SLC22A16: variants seen among roughly 807,000 people sequenced by gnomAD.
SLC22A16 encodes solute carrier family 22 member 16.
A neutral mutation model predicts 52.9 loss-of-function variants in SLC22A16; 53 were observed. That is an observed-to-expected ratio of 1.00 (90% CI 0.80 to 1.26). SLC22A16 has a LOEUF of 1.26. Ranked by LOEUF, SLC22A16 falls within the 50% of genes most tolerant of loss-of-function variation. The pLI is 0.00. For missense variants in SLC22A16, 726 were observed against 704.0 expected (o/e 1.03, Z -0.35); for synonymous variants, 291 against 268.8 (o/e 1.08, Z -0.81).
At chr6:110,425,950 T>G (rs1160800469) in intron 7 of SLC22A16, among the ~76,000 whole-genome samples, 1 of 151,962 alleles carries the variant, frequency 6.6e-6, no homozygotes, top group Non-Finnish European at 1.5e-5. Flanking sequence ...TAAATTAAGG[T>G]GTGGCTTTTC....
At chr6:110,426,856 A>G (rs3818107) in intron 7 of SLC22A16, among the ~76,000 whole-genome samples, 11,908 of 148,782 alleles carry the variant, frequency 0.08, 478 homozygotes, top group Middle Eastern at 0.16. Context: ...AGGCTGAGGT[A>G]TGAGAACTGC....
intron 2 of SLC22A16, 126 bp downstream of exon 2, chr6:110,456,412 G>T: frequency 1.7e-6 from 2 of 1,155,094 alleles, no homozygotes; most frequent in Non-Finnish European, 2.5e-6. Context: ...GATCAGCAAA[G>T]AGGTAGGTAT....
intron 2 of SLC22A16, among the ~76,000 whole-genome samples, chr6:110,453,926 AG>A (rs1414379862): frequency 6.6e-6 from 1 of 152,200 alleles, no homozygotes; most frequent in Non-Finnish European, 1.5e-5. Context: ...GAGAAACCTG[AG>A]GGGTGTCCTC....
chr6:110,453,713 G>T (rs1462275699), intron 2 of SLC22A16: 2 of 456,124 alleles, frequency 4.4e-6, no homozygotes, highest in Non-Finnish European at 8.8e-6. Context: ...GCAGAGAGGG[G>T]ACATTATCTC....
intron 6 of SLC22A16, among the ~76,000 whole-genome samples, chr6:110,433,112 C>G (rs959969189): frequency 6.6e-6 from 1 of 152,156 alleles, no homozygotes; most frequent in Admixed American, 6.5e-5. Flanking sequence ...TAATAGCACT[C>G]TGGGTGACCT....
chr6:110,429,684 G>A (rs918736457), intron 7 of SLC22A16, among the ~76,000 whole-genome samples: 2 of 152,132 alleles, frequency 1.3e-5, no homozygotes, highest in African/African-American at 2.4e-5. Flanking sequence ...TGACTGGGGC[G>A]ATGAAGACAC....
intron 1 of SLC22A16, among the ~76,000 whole-genome samples, chr6:110,459,216 T>G (rs1775778306): frequency 1.3e-5 from 2 of 152,218 alleles, no homozygotes; most frequent in African/African-American, 4.8e-5. Flanking sequence ...AAGGGTGGGC[T>G]AGGCTTAGTA....
intron 2 of SLC22A16, among the ~76,000 whole-genome samples, chr6:110,454,373 T>C (rs1470016084): frequency 6.6e-6 from 1 of 150,942 alleles, no homozygotes. Context: ...GTCAAACCAA[T>C]TTTTTAGCTT....
chr6:110,455,024 A>G (rs1775592452), intron 2 of SLC22A16, among the ~76,000 whole-genome samples: 1 of 123,314 alleles, frequency 8.1e-6, no homozygotes, highest in African/African-American at 3.1e-5. Flanking sequence ...ATATATATAT[A>G]ATTTCACTAA....
Position 110,454,705 on chromosome 6 carries a change from G to A in SLC22A16, c.533+1833C>T, listed in dbSNP as rs1391939697. 7.2e-4 allele frequency among the ~76,000 whole-genome samples: 39 copies of A among 54,364 alleles called. 4 individuals carry two copies. Among genetic ancestry groups the A allele is most frequent in the African/African-American group, 3.1e-3 (37 of 12,124 alleles). 35.7% of individuals were successfully genotyped at this position (54,364 alleles called of 152,430 possible). On this transcript the variant is annotated intron_variant, in intron 2 of 7. Transcript: ENST00000368919. ...ATATTTTATATTATATATATTTTTT[G>A]TATATATATTTTATATATATTATAT...
At chr6:110,470,010 T>C (rs1265649089) in intron 1 of SLC22A16, among the ~76,000 whole-genome samples, 2 of 152,182 alleles carry the variant, frequency 1.3e-5, no homozygotes, top group African/African-American at 4.8e-5. Context: ...ATGATAAAAG[T>C]GTAGATACTC....
intron 6 of SLC22A16, among the ~76,000 whole-genome samples, chr6:110,433,946 A>G (rs1272644665): frequency 6.6e-6 from 1 of 151,874 alleles, no homozygotes; most frequent in Non-Finnish European, 1.5e-5. Flanking sequence ...AAAAAGAGTC[A>G]AAAAGTCTGA....
chr6:110,429,816 C>T (rs1195671211), intron 7 of SLC22A16, among the ~76,000 whole-genome samples: 1 of 151,976 alleles, frequency 6.6e-6, no homozygotes, highest in African/African-American at 2.4e-5. Flanking sequence ...TCCTGGAAAG[C>T]GGATACCTGG....
At chr6:110,431,363 C>T in intron 6 of SLC22A16, 93 bp from the exon 7 acceptor site, 1 of 1,102,670 alleles carries the variant, frequency 9.1e-7, no homozygotes, top group Non-Finnish European at 1.3e-6. Flanking sequence ...CCACGCTCCC[C>T]AGCAAGGATA....
chr6:110,438,925 C>A, intron 4 of SLC22A16, 78 bp from the exon 5 acceptor site: 1 of 1,568,408 alleles, frequency 6.4e-7, no homozygotes, highest in South Asian at 1.2e-5. Context: ...AACCCACTAC[C>A]CAAAAGGCAT....
intron 2 of SLC22A16, chr6:110,455,633 T>A (rs1042712152): frequency 6.6e-6 from 1 of 152,234 alleles, no homozygotes; most frequent in Non-Finnish European, 1.5e-5. Context: ...AATTACATAT[T>A]CATTTTAATG....
intron 3 of SLC22A16, among the ~76,000 whole-genome samples, chr6:110,446,210 C>G (rs1439809818): frequency 6.6e-6 from 1 of 152,148 alleles, no homozygotes; most frequent in African/African-American, 2.4e-5. Context: ...ATCTGGAAGC[C>G]TCACTGAGCA....
At chr6:110,469,502 C>A (rs965510787) in intron 1 of SLC22A16, among the ~76,000 whole-genome samples, 1 of 152,170 alleles carries the variant, frequency 6.6e-6, no homozygotes, top group Non-Finnish European at 1.5e-5. Context: ...GAGCCAAGAT[C>A]GTGCCACTGC....
At chr6:110,425,372 T>C (rs1774217681) in intron 7 of SLC22A16, 1 of 1,359,910 alleles carries the variant, frequency 7.4e-7, no homozygotes. Flanking sequence ...CTGAAGGTGC[T>C]GTCCTAGGAG....
Sources: allele counts gnomAD v4.1 joint callset (sites outside exome capture counted in the v4.1 genomes callset), GRCh38; gene constraint gnomAD v4.1.1; transcripts MANE v1.5; gene names NCBI Gene and HGNC (gene_info 2026-07-23, HGNC 2026-07-21).